Variants in ARID1A observed in about 807,000 individuals in gnomAD.
ARID1A encodes the protein AT-rich interaction domain 1A, also known as AT-rich interactive domain-containing protein 1A.
In ARID1A, 20 loss-of-function variants were observed where a neutral mutation model predicts 212.6. That is an observed-to-expected ratio of 0.09 (90% CI 0.07 to 0.14). The LOEUF is 0.14. ARID1A is among the 10% of genes least tolerant of loss of function. The pLI, the probability that ARID1A is intolerant of heterozygous loss-of-function variation, is 1.00. For synonymous variants in ARID1A, 1,376 were observed against 1,222.1 expected (o/e 1.13, Z -2.63); for missense variants, 2,587 against 3,059.0 (o/e 0.85, Z 3.64).
intron 1 of ARID1A, among the ~76,000 whole-genome samples, chr1:26,718,966 T>C (rs1424264653): frequency 6.6e-6 from 1 of 152,218 alleles, no homozygotes; most frequent in Non-Finnish European, 1.5e-5. Flanking sequence ...TCTTATTGTA[T>C]GTAATGTTTT....
At chr1:26,732,896 A>G in intron 4 of ARID1A, 104 bp downstream of exon 4, 5 of 991,180 alleles carry the variant, frequency 5.0e-6, no homozygotes, top group African/African-American at 1.6e-5. Flanking sequence ...ACCTAAATGA[A>G]TAAGTTATTT....
chr1:26,704,203 GT>G (rs1249062481), intron 1 of ARID1A, among the ~76,000 whole-genome samples: 1 of 152,108 alleles, frequency 6.6e-6, no homozygotes, highest in African/African-American at 2.4e-5. Context: ...GGTCTTAGTG[GT>G]TCTTGTGGTC....
chr1:26,696,042 G>A lies in ARID1A; in HGVS notation c.-362G>A. ...CCTTTCTCCGGCAGCAGAAAGCGGA[G>A]AGTCACAGCGGGGCCAGGCCCTGGG... On this transcript the variant is annotated 5_prime_UTR_variant, in exon 1 of 20. Transcript: ENST00000324856. 1.3e-6 allele frequency: 1 copy of A among 747,282 alleles called. No homozygotes were observed. The highest frequency in any genetic ancestry group is 1.7e-6 in the Non-Finnish European group (1 of 605,680). The allele number at this position is 747,282 out of a possible 1,614,324, so 46.3% of individuals were successfully genotyped here.
At chr1:26,721,608 T>C (rs1483005059) in intron 1 of ARID1A, among the ~76,000 whole-genome samples, 1 of 152,236 alleles carries the variant, frequency 6.6e-6, no homozygotes. Flanking sequence ...TGGTTAAGTT[T>C]AGTCTTAGGA....
chr1:26,729,574 C>G, intron 1 of ARID1A, 77 bp from the exon 2 acceptor site: 1 of 1,519,188 alleles, frequency 6.6e-7, no homozygotes, highest in Non-Finnish European at 9.1e-7. Flanking sequence ...ACTAAAAAAA[C>G]CTGTGTACTT....
rs753496973 is a variant in ARID1A at position 26,780,670 on chromosome 1, C to T, written c.6772C>T (p.Leu2258=). 6 of 1,607,002 alleles carry T rather than the reference C, an allele frequency of 3.7e-6. No homozygotes were observed. In the South Asian group the frequency reaches 4.4e-5, roughly 12 times the overall value. The part of the protein sequence containing the change: ...HSEFTLYESR[L]LDISVSPLMN... ...AGAGTTTACTCTGTACGAATCACGGCTGTTGGACATCTCGGTATCACCGTT... is the reference window on the plus strand; with the variant it reads ...AGAGTTTACTCTGTACGAATCACGGTTGTTGGACATCTCGGTATCACCGTT... The change falls in exon 20 of 20, where the codon CTG becomes TTG. Residue 2258 remains leucine (L), a synonymous_variant. Transcript: ENST00000324856. This position sits in a 1 kb window ranked among gnomAD's most constrained non-coding sequence, Gnocchi z 7.2.
At chr1:26,730,978 C>T (rs1458887664) in intron 2 of ARID1A, among the ~76,000 whole-genome samples, 174 bp from the exon 3 acceptor site, 2 of 152,154 alleles carry the variant, frequency 1.3e-5, no homozygotes, top group African/African-American at 2.4e-5. Flanking sequence ...CCAGCTTGGC[C>T]GTCCTTCCTG....
chr1:26,757,854 G>A (rs1392912699), intron 4 of ARID1A, among the ~76,000 whole-genome samples: 1 of 151,930 alleles, frequency 6.6e-6, no homozygotes, highest in African/African-American at 2.4e-5. Context: ...TGGCCAGGCT[G>A]GTCTTGAACT....
chr1:26,725,081 C>T (rs142853075), intron 1 of ARID1A, among the ~76,000 whole-genome samples: 70 of 152,184 alleles, frequency 4.6e-4, no homozygotes, highest in Admixed American at 1.8e-3. Context: ...AATTATGTGT[C>T]TCTGTGGCAG....
In ARID1A at chr1:26,696,862, C is replaced by A. The variant is rs1277188850; in HGVS notation, c.459C>A (p.Pro153=). 2.2e-6 allele frequency: 3 copies of A among 1,355,918 alleles called. No individual in the cohort carries two copies. Among genetic ancestry groups the A allele is most frequent in the South Asian group, 3.9e-5 (2 of 51,692 alleles). 84.0% of individuals were successfully genotyped at this position (1,355,918 alleles called of 1,614,324 possible). ...CCCCAGCCTACGGCTTCGGGCAACC[C>A]TACGGCCGGAGCCCGTCTGCCGTCG... is the stretch of plus-strand genomic sequence containing the variant. ...LPPPAYGFGQ[P]YGRSPSAVAA... The change falls in exon 1 of 20, where the codon CCC becomes CCA. Residue 153 remains proline, a synonymous_variant. Transcript: ENST00000324856.
intron 1 of ARID1A, among the ~76,000 whole-genome samples, chr1:26,705,763 T>C (rs1447440325): frequency 1.3e-5 from 2 of 152,244 alleles, no homozygotes; most frequent in Admixed American, 6.5e-5. Context: ...ATTAGTTTTT[T>C]ACTGAATGTG....
rs769213510 is a variant in ARID1A at position 26,731,287 on chromosome 1, G to A, written c.1486G>A (p.Ala496Thr). 3 of 1,613,218 alleles carry A rather than the reference G, an allele frequency of 1.9e-6. No individual in the cohort carries two copies. The highest frequency in any genetic ancestry group is 1.6e-4 in the Middle Eastern group (1 of 6,084). The change falls in exon 3 of 20, where the codon GCC (alanine) becomes ACC (threonine). Residue 496 changes from alanine to threonine, a missense_variant. By Grantham distance (58) the Ala-to-Thr change is moderately conservative. This residue lies in a region of ARID1A where 674 missense variants were observed against 813.4 expected (regional missense o/e 0.83). Transcript: ENST00000324856. The part of the protein sequence containing the change: ...SQQPPSQTPH[A>T]QPSYQQQPQS... ...GCAACCACCGTCCCAGACCCCTCAT[G>A]CCCAACCTTCGTATCAGCAGCAGCC...
intron 10 of ARID1A, among the ~76,000 whole-genome samples, chr1:26,766,882 C>G (rs1185657475): frequency 6.6e-6 from 1 of 152,164 alleles, no homozygotes; most frequent in Non-Finnish European, 1.5e-5. Context: ...GAAACCGTGC[C>G]TCCTATACTC....
At chr1:26,726,088 C>G (rs984426716) in intron 1 of ARID1A, among the ~76,000 whole-genome samples, 50 of 151,494 alleles carry the variant, frequency 3.3e-4, no homozygotes, top group African/African-American at 1.1e-3. Flanking sequence ...CTCCTGACCT[C>G]AAGTGATTCA....
chr1:26,761,724 C>T (rs953844339), intron 6 of ARID1A, among the ~76,000 whole-genome samples: 2 of 152,180 alleles, frequency 1.3e-5, no homozygotes, highest in African/African-American at 4.8e-5. Flanking sequence ...ACACTTATTA[C>T]TTCTTTGTGC....
At chr1:26,703,010 A>G (rs1385494832) in intron 1 of ARID1A, among the ~76,000 whole-genome samples, 1 of 152,222 alleles carries the variant, frequency 6.6e-6, no homozygotes, top group Non-Finnish European at 1.5e-5. Flanking sequence ...AGGAGAAAAA[A>G]GATACTGCAA....
In ARID1A at chr1:26,774,615, G is replaced by A. The variant is rs752827461; in HGVS notation, c.4388G>A (p.Arg1463His). Residue 1463 changes from arginine to histidine, a missense_variant, in exon 18 of 20, where the codon CGT becomes CAT. Transcript: ENST00000324856. The surrounding 1 kb of genome is among the most constrained non-coding windows in gnomAD (Gnocchi z 5.6). ...NQFPFQFGRD[R>H]VSAPPGTNAQ... ...TTTCCATTCCAGTTTGGCCGAGACC[G>A]TGTCTCTGCACCCCCTGGCACCAAT... 1.4e-5 allele frequency: 23 copies of A among 1,614,102 alleles called. No homozygotes were observed. The highest frequency in any genetic ancestry group is 4.0e-5 in the African/African-American group (3 of 74,942).
At chr1:26,758,635 AG>A (rs1465284745) in intron 4 of ARID1A, among the ~76,000 whole-genome samples, 4 of 151,198 alleles carry the variant, frequency 2.6e-5, no homozygotes, top group South Asian at 2.1e-4. Flanking sequence ...AAAAAAAAAA[AG>A]AAGAAGAAGA....
At position 26,731,446 on chromosome 1, in the gene ARID1A, C is replaced by T. The variant is rs1430351844; in HGVS notation, c.1645C>T (p.Pro549Ser). 1.2e-6 allele frequency: 2 copies of T among 1,613,950 alleles called. No individual in the cohort carries two copies. The highest frequency in any genetic ancestry group is 3.3e-5 in the Admixed American group (2 of 59,988). Residue 549 changes from proline to serine, a missense_variant, in exon 3 of 20, where the codon CCC (proline) becomes TCC (serine). Physicochemically the swap from Pro to Ser is moderately conservative, Grantham distance 74. Around this residue, in one of 11 missense-constraint regions of ARID1A, gnomAD observed 674 missense variants for 813.4 expected, o/e 0.83. Transcript: ENST00000324856. ...GACACAGCAGCACCCCCAGAGCCAG[C>T]CCCCCTACTCACAGCCACAGGCTCA... ...STTQQHPQSQPPYSQPQAQSP... is the reference protein window; with the variant it reads ...STTQQHPQSQSPYSQPQAQSP...
Sources: gnomAD v4.1 joint callset for allele counts (sites outside exome capture counted in the v4.1 genomes callset) on GRCh38, gnomAD v4.1.1 for gene constraint, gnomAD v4.1.1 regional missense constraint, Gnocchi (gnomAD v3.1) non-coding constraint, MANE v1.5 for transcripts, NCBI Gene and HGNC (gene_info 2026-07-23, HGNC 2026-07-21) for gene names.